TNS1: variants seen among roughly 807,000 people sequenced by gnomAD.
TNS1 encodes the protein tensin-1.
Under a neutral mutation model 168.6 loss-of-function variants are expected in TNS1, and 62 were observed. That is an observed-to-expected ratio of 0.37 (90% CI 0.30 to 0.45). TNS1 has a LOEUF of 0.45. TNS1 is among the 20% of genes least tolerant of loss of function. The probability of loss-of-function intolerance (pLI) is 1.00; values close to 1 mark genes in which losing one functional copy is unlikely to be tolerated. For synonymous variants in TNS1, 934 were observed against 933.2 expected (o/e 1.00, Z -0.02); for missense variants, 2,240 against 2,339.4 (o/e 0.96, Z 0.88).
chr2:217,911,628 A>G (rs1954417078), intron 4 of TNS1, among the ~76,000 whole-genome samples: 2 of 152,106 alleles, frequency 1.3e-5, no homozygotes, highest in Admixed American at 1.3e-4. Context: ...CCTCACAACC[A>G]CCCTGGGAGG....
Position 217,986,325 on chromosome 2 carries a change from C to T in TNS1, c.148+4617G>A, listed in dbSNP as rs116761495. 0.014 allele frequency among the ~76,000 whole-genome samples: 2,091 copies of T among 152,350 alleles called. 53 individuals are homozygous for T. Among genetic ancestry groups the T allele is most frequent in the African/African-American group, 0.048 (1,993 of 41,574 alleles). ...TGCACAGGCTTGTCCTGTTAAAGGA[C>T]GGATCGTCTTTCCAGGTGCATCCTG... On this transcript the variant is annotated intron_variant, in intron 2 of 32. Coordinates refer to ENST00000682258, the MANE Select transcript of TNS1 (RefSeq NM_001387777.1). The surrounding 1 kb of genome is among the most constrained non-coding windows in gnomAD (Gnocchi z 4.7).
At chr2:218,023,157 G>GAAAC (rs1399100859) in intron 1 of TNS1, among the ~76,000 whole-genome samples, 1 of 152,198 alleles carries the variant, frequency 6.6e-6, no homozygotes, top group East Asian at 1.9e-4. Flanking sequence ...AGAACAAGAG[G>GAAAC]AAGCCCTCCC....
intron 3 of TNS1, among the ~76,000 whole-genome samples, chr2:217,924,230 C>T (rs1395393114): frequency 6.6e-6 from 1 of 152,082 alleles, no homozygotes; most frequent in African/African-American, 2.4e-5. Context: ...GTAGCTGTGT[C>T]CTTCCTGTCC....
At chr2:217,869,515 C>T (rs983528038) in intron 18 of TNS1, among the ~76,000 whole-genome samples, 4 of 152,128 alleles carry the variant, frequency 2.6e-5, no homozygotes, top group African/African-American at 9.7e-5. Flanking sequence ...AGCCACACAC[C>T]CATCAGAGCC....
At chr2:218,024,797 CT>C (rs1386264445) in intron 1 of TNS1, among the ~76,000 whole-genome samples, 2 of 152,180 alleles carry the variant, frequency 1.3e-5, no homozygotes, top group Non-Finnish European at 2.9e-5. Context: ...CTGAATGCCC[CT>C]ATCCAGAACC....
intron 18 of TNS1, chr2:217,850,390 G>A (rs1490983335): frequency 2.9e-5 from 29 of 985,184 alleles, no homozygotes; most frequent in Non-Finnish European, 3.0e-5. Context: ...ATGTCTTCAT[G>A]GGGGAGAGGG....
intron 1 of TNS1, among the ~76,000 whole-genome samples, chr2:218,009,256 G>A (rs146666065): frequency 1.5e-3 from 235 of 152,264 alleles, no homozygotes; most frequent in Middle Eastern, 6.8e-3. Context: ...GGGGCTCTAG[G>A]TCATGATCTT....
chr2:218,011,645 A>C (rs1255610564), upstream of TNS1, among the ~76,000 whole-genome samples: 1 of 152,090 alleles, frequency 6.6e-6, no homozygotes, highest in Non-Finnish European at 1.5e-5. Context: ...GGAGGCCCTG[A>C]AAGTTTCTCA....
At chr2:217,808,699 G>A (rs1184329671) in intron 30 of TNS1, 28 bp from the exon 31 acceptor site, 4 of 1,610,270 alleles carry the variant, frequency 2.5e-6, no homozygotes, top group Non-Finnish European at 3.4e-6. Flanking sequence ...GATAAACAGA[G>A]AATGAGTGCT....
chr2:217,885,306 G>A, intron 15 of TNS1, 142 bp from the exon 16 acceptor site: 1 of 1,200,280 alleles, frequency 8.3e-7, no homozygotes, highest in Non-Finnish European at 1.1e-6. Context: ...ACACCAAACA[G>A]GATCTCAGAG....
chr2:218,017,513 G>C (rs1358850017), intron 1 of TNS1, among the ~76,000 whole-genome samples: 1 of 152,220 alleles, frequency 6.6e-6, no homozygotes, highest in African/African-American at 2.4e-5. Context: ...CAGAGCAGTT[G>C]AGAGCATGCA....
intron 4 of TNS1, among the ~76,000 whole-genome samples, chr2:217,908,581 G>T (rs1033356164): frequency 1.1e-4 from 16 of 152,178 alleles, no homozygotes; most frequent in African/African-American, 3.9e-4. Context: ...CCTCTAAAAG[G>T]TTCCGGCGTC....
chr2:217,808,718 T>C (rs773141078), intron 30 of TNS1, 47 bp from the exon 31 acceptor site: 1 of 1,581,498 alleles, frequency 6.3e-7, no homozygotes, highest in East Asian at 2.2e-5. Context: ...CTGAAGGGGC[T>C]GCTTTTCCCC....
At chr2:218,005,832 C>A (rs190831864), upstream of TNS1, among the ~76,000 whole-genome samples, 252 of 152,364 alleles carry the variant, frequency 1.7e-3, 2 homozygotes, top group Admixed American at 6.7e-3. Flanking sequence ...TGCCTGTACA[C>A]TTTTGCCCAC....
intron 32 of TNS1, among the ~76,000 whole-genome samples, chr2:217,807,503 A>G (rs577934734): frequency 2.2e-4 from 33 of 152,356 alleles, no homozygotes; most frequent in African/African-American, 7.9e-4. Context: ...CATCTGTCTT[A>G]TCTGCTGTGC....
intron 1 of TNS1, among the ~76,000 whole-genome samples, chr2:218,009,509 C>G (rs1574480086): frequency 6.6e-6 from 1 of 152,004 alleles, no homozygotes; most frequent in East Asian, 1.9e-4. Context: ...CAGACCCCTG[C>G]TCCCGCCCCC....
chr2:217,883,507 C>T (rs1950877151), intron 16 of TNS1, among the ~76,000 whole-genome samples: 1 of 152,184 alleles, frequency 6.6e-6, no homozygotes, highest in African/African-American at 2.4e-5. Flanking sequence ...TCAAGCAATC[C>T]TCCCGCCTTG....
chr2:217,890,331 T>A (rs777185078), intron 12 of TNS1: 2 of 152,520 alleles, frequency 1.3e-5, no homozygotes, highest in African/African-American at 2.4e-5. Context: ...TTGTTTCATG[T>A]CCATCTCTCT....
chr2:217,847,681 C>G lies in TNS1; in HGVS notation c.2836G>C (p.Ala946Pro). 6.3e-7 allele frequency: 1 copy of G among 1,599,186 alleles called. No homozygotes were observed. The highest frequency in any genetic ancestry group is 8.6e-7 in the Non-Finnish European group (1 of 1,167,890). Reference sequence around the variant, plus strand: ...GGGCTGTGGGTGGTCGGAAGGAAGGCAGGCAAGGAGGAAGAGGCTGGGCTC... The same window carrying G: ...GGGCTGTGGGTGGTCGGAAGGAAGGGAGGCAAGGAGGAAGAGGCTGGGCTC... ...SKSPASSSLP[A>P]FLPTTHSPPG... The change falls in exon 19 of 33, where the codon GCC (alanine) becomes CCC (proline). Residue 946 changes from alanine to proline, a missense_variant. Transcript: ENST00000682258.
Sources: allele counts gnomAD v4.1 joint callset (sites outside exome capture counted in the v4.1 genomes callset), GRCh38; gene constraint gnomAD v4.1.1; non-coding constraint Gnocchi (gnomAD v3.1); transcripts MANE v1.5; gene names NCBI Gene and HGNC (gene_info 2026-07-23, HGNC 2026-07-21).